Variants in ALG8 observed in about 807,000 individuals in gnomAD.
ALG8 encodes dolichyl pyrophosphate Glc1Man9GlcNAc2 alpha-1,3-glucosyltransferase.
A neutral mutation model predicts 70.2 loss-of-function variants in ALG8; 48 were observed. That is an observed-to-expected ratio of 0.68 (90% CI 0.54 to 0.87). ALG8 has a LOEUF of 0.87. Ranked by LOEUF, ALG8 falls within the 40% of genes least tolerant of loss-of-function variation. The pLI is 0.00. For synonymous variants in ALG8, 234 were observed against 229.0 expected (o/e 1.02, Z -0.20); for missense variants, 572 against 608.7 (o/e 0.94, Z 0.64).
intron 2 of ALG8, among the ~76,000 whole-genome samples, chr11:78,125,975 T>C (rs1301411327): frequency 6.6e-6 from 1 of 151,242 alleles, no homozygotes; most frequent in South Asian, 2.1e-4. Flanking sequence ...CTGGCTAATA[T>C]GGTGAAACCC....
intron 2 of ALG8, among the ~76,000 whole-genome samples, chr11:78,125,725 T>C (rs1565358864): frequency 6.6e-6 from 1 of 151,292 alleles, no homozygotes; most frequent in Non-Finnish European, 1.5e-5. Context: ...GGAGAATCAC[T>C]TGAACCCAGG....
intron 8 of ALG8, among the ~76,000 whole-genome samples, chr11:78,111,474 G>T (rs766391805): frequency 1.3e-5 from 2 of 152,188 alleles, no homozygotes; most frequent in African/African-American, 4.8e-5. Context: ...TTACACAGGT[G>T]AGCCTCCAAA....
chr11:78,124,111 T>C lies in ALG8; in HGVS notation c.278A>G (p.His93Arg). Residue 93 changes from histidine (H) to arginine (R), a missense_variant, in exon 3 of 13, where the codon CAT becomes CGT. By Grantham distance (29) the His-to-Arg change is conservative. Transcript: ENST00000299626. The part of the protein sequence containing the change: ...KYFDQEMLNV[H>R]NLNYSSSRTL... ...CCTTGAGCTGGAGTAATTCAAATTA[T>C]GGACATTCAGCATTTCTTGATCAAA... 1 of 1,614,126 alleles carries C rather than the reference T, an allele frequency of 6.2e-7. No individual in the cohort carries two copies. The highest frequency in any genetic ancestry group is 1.1e-5 in the South Asian group (1 of 91,078).
At chr11:78,128,754 G>A (rs1861185277) in intron 1 of ALG8, among the ~76,000 whole-genome samples, 1 of 151,974 alleles carries the variant, frequency 6.6e-6, no homozygotes, top group African/African-American at 2.4e-5. Flanking sequence ...GGGACTACAG[G>A]TGCGCGGCAC....
intron 8 of ALG8, 39 bp downstream of exon 8, chr11:78,112,611 A>G: frequency 6.2e-7 from 1 of 1,610,930 alleles, no homozygotes; most frequent in Non-Finnish European, 8.5e-7. Flanking sequence ...AAGTCCTTTC[A>G]ATATTCAGAG....
At chr11:78,138,494 T>C (rs549011442) in intron 1 of ALG8, among the ~76,000 whole-genome samples, 49 of 152,284 alleles carry the variant, frequency 3.2e-4, no homozygotes, top group African/African-American at 8.9e-4. Context: ...ACTTACATGA[T>C]TACATATACG....
chr11:78,139,345 G>T, intron 1 of ALG8, 149 bp downstream of exon 1: 1 of 807,406 alleles, frequency 1.2e-6, no homozygotes, highest in Non-Finnish European at 2.1e-6. Flanking sequence ...AGTAACAACT[G>T]GCGAAACAGA....
At chr11:78,107,759 T>C (rs994196313) in intron 9 of ALG8, 5 of 227,480 alleles carry the variant, frequency 2.2e-5, no homozygotes, top group South Asian at 1.0e-4. Context: ...GGAGAATCGC[T>C]TGAACCTGGG....
intron 3 of ALG8, among the ~76,000 whole-genome samples, chr11:78,123,001 C>T (rs953946807): frequency 7.4e-5 from 11 of 149,390 alleles, no homozygotes; most frequent in African/African-American, 2.7e-4. Flanking sequence ...ATCACACCAG[C>T]GAGCTTAAGA....
intron 5 of ALG8, among the ~76,000 whole-genome samples, chr11:78,115,808 C>T (rs1860536049): frequency 6.6e-6 from 1 of 152,198 alleles, no homozygotes; most frequent in South Asian, 2.1e-4. Flanking sequence ...ATACTGCAAA[C>T]TCTCCTTTAG....
intron 3 of ALG8, among the ~76,000 whole-genome samples, chr11:78,122,077 G>A (rs1269980178): frequency 5.9e-5 from 9 of 152,088 alleles, no homozygotes; most frequent in Non-Finnish European, 2.9e-5. Flanking sequence ...CTTTTCCAAA[G>A]TTTTTACAAT....
At chr11:78,111,631 GAC>G (rs1860295838) in intron 8 of ALG8, among the ~76,000 whole-genome samples, 1 of 149,952 alleles carries the variant, frequency 6.7e-6, no homozygotes, top group Non-Finnish European at 1.5e-5. Context: ...CACAAATACA[GAC>G]ACAGACACAC....
intron 4 of ALG8, 28 bp from the exon 5 acceptor site, chr11:78,119,277 G>C (rs758915269): frequency 2.0e-6 from 3 of 1,509,950 alleles, no homozygotes; most frequent in Non-Finnish European, 9.2e-7. Context: ...AAAGACAACA[G>C]AGGACACCAA....
At chr11:78,115,802 T>C (rs181460969) in intron 5 of ALG8, among the ~76,000 whole-genome samples, 137 of 152,344 alleles carry the variant, frequency 9.0e-4, no homozygotes, top group African/African-American at 3.2e-3. Flanking sequence ...AATAACATAC[T>C]GCAAACTCTC....
intron 5 of ALG8, chr11:78,114,749 T>C (rs1300637448): frequency 4.5e-6 from 2 of 444,318 alleles, no homozygotes; most frequent in Non-Finnish European, 8.9e-6. Context: ...AAGGATTGCT[T>C]GACCCCAGGA....
rs2136868962 is a variant in ALG8 at position 78,101,297 on chromosome 11, AT to A, written c.1350-103del. On this transcript the variant is annotated intron_variant, in intron 12 of 12. Transcript: ENST00000299626. ...CCCCATCTGCACTGTCTTGCTGTCA[AT>A]TATTATAGCCAAGGCCAGAGTCAAG... 4 of 962,738 alleles carry A rather than the reference AT, an allele frequency of 4.2e-6. No individual in the cohort carries two copies. In the East Asian group the frequency reaches 1.0e-4, roughly 25 times the overall value. 59.6% of individuals were successfully genotyped at this position (962,738 alleles called of 1,614,324 possible).
At chr11:78,114,432 G>A (rs772252013) in intron 5 of ALG8, 40 bp from the exon 6 acceptor site, 11 of 1,608,970 alleles carry the variant, frequency 6.8e-6, no homozygotes, top group Non-Finnish European at 9.3e-6. Context: ...TAAAATTCAG[G>A]GTAAATGAAA....
At chr11:78,108,094 A>G (rs1342547606) in intron 9 of ALG8, among the ~76,000 whole-genome samples, 1 of 151,940 alleles carries the variant, frequency 6.6e-6, no homozygotes, top group Non-Finnish European at 1.5e-5. Context: ...CCTGGACAAC[A>G]TGGTGAAACC....
chr11:78,106,640 C>T (rs1860047131), intron 10 of ALG8, among the ~76,000 whole-genome samples, 167 bp downstream of exon 10: 1 of 152,126 alleles, frequency 6.6e-6, no homozygotes, highest in Non-Finnish European at 1.5e-5. Flanking sequence ...TTCATGGGTC[C>T]AAGAATCTCA....
Sources: gnomAD v4.1 joint callset for allele counts (sites outside exome capture counted in the v4.1 genomes callset) on GRCh38, gnomAD v4.1.1 for gene constraint, MANE v1.5 for transcripts, NCBI Gene and HGNC (gene_info 2026-07-23, HGNC 2026-07-21) for gene names.